Variants in TBL1XR1 observed in about 807,000 individuals in gnomAD.
The protein encoded by TBL1XR1 is TBL1X/Y related 1, also known as F-box-like/WD repeat-containing protein TBL1XR1.
In TBL1XR1, 5 loss-of-function variants were observed where a neutral mutation model predicts 66.9. The ratio of observed to expected loss-of-function variants is 0.07; its 90% CI spans 0.04 to 0.16. TBL1XR1 has a LOEUF of 0.16. Among genes scored for constraint, TBL1XR1 ranks in the 10% least tolerant of loss-of-function variants. The probability of loss-of-function intolerance (pLI) is 1.00; values close to 1 mark genes in which losing one functional copy is unlikely to be tolerated. For synonymous variants in TBL1XR1, 210 were observed against 206.0 expected (o/e 1.02, Z -0.17); for missense variants, 238 against 623.2 (o/e 0.38, Z 6.58).
At chr3:177,168,367 C>T (rs1178256354) in intron 1 of TBL1XR1, among the ~76,000 whole-genome samples, 2 of 151,806 alleles carry the variant, frequency 1.3e-5, no homozygotes, top group African/African-American at 2.4e-5. Context: ...CTGCAACCTC[C>T]GCCTCCCGCA....
At chr3:177,037,953 CA>C (rs1715050674) in intron 12 of TBL1XR1, 144 bp downstream of exon 12, 2 of 619,370 alleles carry the variant, frequency 3.2e-6, no homozygotes, top group African/African-American at 3.7e-5. Flanking sequence ...ATTTAAAAAA[CA>C]ATGGTTAGCC....
rs570281144 is a variant in TBL1XR1, at chr3:177,066,292, G to A, written c.-45-1270C>T. Among the ~76,000 whole-genome samples, 4 of 152,180 alleles carry A rather than the reference G, an allele frequency of 2.6e-5. No homozygotes were observed. The South Asian group carries it at 8.3e-4, about 32-fold the overall frequency. On this transcript the variant is annotated intron_variant, in intron 2 of 15. Transcript: ENST00000457928. ...GTCATAGGGAGAAAGACAAATGGGA[G>A]GCAATGACAATTTTCTAGTGGACAC... is the stretch of plus-strand genomic sequence containing the variant.
intron 1 of TBL1XR1, among the ~76,000 whole-genome samples, chr3:177,099,861 ATT>A (rs1375200517): frequency 6.6e-6 from 1 of 152,258 alleles, no homozygotes; most frequent in African/African-American, 2.4e-5. Flanking sequence ...TCAATGGAGC[ATT>A]TTTGTCACAA....
At chr3:177,096,659 T>C (rs908585494) in intron 2 of TBL1XR1, among the ~76,000 whole-genome samples, 1 of 152,068 alleles carries the variant, frequency 6.6e-6, no homozygotes, top group South Asian at 2.1e-4. Flanking sequence ...AACAAAAACT[T>C]CATGTGAACA....
chr3:177,026,055 A>C, intron 15 of TBL1XR1: 1 of 336,628 alleles, frequency 3.0e-6, no homozygotes, highest in South Asian at 4.0e-5. Flanking sequence ...TGAAGAGGAG[A>C]AGGTAGAAAT....
intron 3 of TBL1XR1, among the ~76,000 whole-genome samples, chr3:177,063,854 G>A (rs1166279046): frequency 1.3e-5 from 2 of 152,260 alleles, no homozygotes; most frequent in Non-Finnish European, 2.9e-5. Context: ...GAGAGGGGCA[G>A]TGATGGTGCT....
intron 2 of TBL1XR1, among the ~76,000 whole-genome samples, chr3:177,098,006 A>G (rs779487187): frequency 2.9e-4 from 44 of 152,188 alleles, no homozygotes; most frequent in Non-Finnish European, 4.8e-4. Context: ...CAGGGGTTCG[A>G]GACCAGCCTG....
intron 2 of TBL1XR1, among the ~76,000 whole-genome samples, chr3:177,070,848 AAAAAAAATAAAT>A (rs1321121959): frequency 7.3e-6 from 1 of 137,926 alleles, no homozygotes; most frequent in Non-Finnish European, 1.6e-5. Context: ...TCCGTCTCAA[AAAAAAAATAAAT>A]AAATAAATAA....
intron 4 of TBL1XR1, 78 bp downstream of exon 4, chr3:177,053,695 G>T: frequency 7.2e-7 from 1 of 1,385,360 alleles, no homozygotes; most frequent in Non-Finnish European, 1.0e-6. Flanking sequence ...TCAGAATACT[G>T]AATAAGCAAG....
intron 1 of TBL1XR1, among the ~76,000 whole-genome samples, chr3:177,160,112 A>G (rs1229922316): frequency 1.3e-5 from 2 of 152,136 alleles, no homozygotes; most frequent in Non-Finnish European, 1.5e-5. Context: ...TTTCTCAAGA[A>G]GCTCAAATAA....
intron 11 of TBL1XR1, 28 bp downstream of exon 11, chr3:177,038,285 A>T: frequency 6.3e-7 from 1 of 1,593,232 alleles, no homozygotes; most frequent in East Asian, 2.2e-5. Flanking sequence ...AATCATGACC[A>T]CTTTAATGTG....
At chr3:177,027,759 T>C (rs1390566786) in intron 14 of TBL1XR1, 2 of 152,204 alleles carry the variant, frequency 1.3e-5, no homozygotes, top group African/African-American at 2.4e-5. Flanking sequence ...GATGCATTGG[T>C]ACTGACACAT....
chr3:177,070,645 T>G (rs111279054), intron 2 of TBL1XR1, among the ~76,000 whole-genome samples: 3,587 of 152,192 alleles, frequency 0.024, 65 homozygotes, highest in Middle Eastern at 0.044. Flanking sequence ...GGTCAGGAGT[T>G]CAGGGCCAGC....
chr3:177,029,729 T>C (rs1281208302), intron 14 of TBL1XR1, among the ~76,000 whole-genome samples: 2 of 152,152 alleles, frequency 1.3e-5, no homozygotes, highest in African/African-American at 2.4e-5. Flanking sequence ...GGAATCCATA[T>C]AACCAGGAAG....
rs995066403 is a variant in TBL1XR1, at chr3:177,023,153, A to G, written c.*2345T>C. ...AGTCAATAACTGTATGCAAATGAAT[A>G]AACTGTCCATATCAAAATACAAAAG... On this transcript the variant is annotated 3_prime_UTR_variant, in exon 16 of 16. Coordinates refer to ENST00000457928, the MANE Select transcript of TBL1XR1 (RefSeq NM_024665.7). The G allele has an allele frequency of 1.3e-5, 2 of 152,522 alleles. No individual in the cohort carries two copies. Among genetic ancestry groups the G allele is most frequent in the African/African-American group, 2.4e-5 (1 of 41,440 alleles). The allele number at this position is 152,522 out of a possible 1,614,324, so 9.4% of individuals were successfully genotyped here.
intron 13 of TBL1XR1, 49 bp downstream of exon 13, chr3:177,034,149 T>A: frequency 1.3e-6 from 2 of 1,546,128 alleles, no homozygotes; most frequent in Non-Finnish European, 1.7e-6. Flanking sequence ...CTATTGGAAG[T>A]CTGATTTGTA....
At chr3:177,197,780 C>A (rs1486642248), upstream of TBL1XR1, among the ~76,000 whole-genome samples, 1 of 146,420 alleles carries the variant, frequency 6.8e-6, no homozygotes, top group Non-Finnish European at 1.5e-5. Context: ...CTGGGCTGTG[C>A]GGCGCATTCT....
chr3:177,088,812 C>A (rs1722474647), intron 2 of TBL1XR1, among the ~76,000 whole-genome samples: 1 of 152,112 alleles, frequency 6.6e-6, no homozygotes, highest in Admixed American at 6.6e-5. Flanking sequence ...CATACATTCT[C>A]AACCAAATGA....
chr3:177,073,376 A>C (rs1213540809), intron 2 of TBL1XR1, among the ~76,000 whole-genome samples: 1 of 152,198 alleles, frequency 6.6e-6, no homozygotes, highest in African/African-American at 2.4e-5. Context: ...TTCATGTTGG[A>C]ATACATATTG....
Sources: gnomAD v4.1 joint callset for allele counts (sites outside exome capture counted in the v4.1 genomes callset) on GRCh38, gnomAD v4.1.1 for gene constraint, MANE v1.5 for transcripts, NCBI Gene and HGNC (gene_info 2026-07-23, HGNC 2026-07-21) for gene names.